The following JADE3 variants were observed in gnomAD, a reference collection of about 807,000 sequenced individuals.
JADE3 encodes the protein jade family PHD finger 3.
JADE3 carries 2 observed loss-of-function variants against 50.1 expected under a neutral mutation model. The observed-to-expected ratio is 0.04, with a 90% CI of 0.02 to 0.13. JADE3 has a LOEUF of 0.13. Ranked by LOEUF, JADE3 falls within the 10% of genes least tolerant of loss-of-function variation. The pLI is 1.00. For missense variants in JADE3, 475 were observed against 634.4 expected, an observed-to-expected ratio of 0.75 and a Z score of 2.70; for synonymous variants, 218 against 232.9, an observed-to-expected ratio of 0.94 and a Z score of 0.58.
chrX:46,958,708 T>C (rs961693462), intron 1 of JADE3, among the ~76,000 whole-genome samples: 2 of 112,524 alleles, frequency 1.8e-5, no homozygotes, highest in African/African-American at 6.5e-5. Context: ...CAGCCAATGC[T>C]TTATTAATGT....
chrX:46,960,929 G>A (rs141147115), intron 1 of JADE3, among the ~76,000 whole-genome samples: 4 of 110,945 alleles, frequency 3.6e-5, no homozygotes, highest in Admixed American at 9.6e-5. Context: ...CCCTAAACTC[G>A]CACTCTCCAC....
intron 7 of JADE3, among the ~76,000 whole-genome samples, chrX:47,035,810 T>G (rs2035099943): frequency 9.0e-6 from 1 of 111,497 alleles, no homozygotes; most frequent in Admixed American, 9.5e-5. Context: ...CTTGACCCCT[T>G]ATTTTCACAT....
At chrX:47,041,498 C>T (rs2146984438) in intron 8 of JADE3, among the ~76,000 whole-genome samples, 1 of 109,786 alleles carries the variant, frequency 9.1e-6, no homozygotes, top group East Asian at 2.9e-4. Context: ...TCAAATGATC[C>T]TCCCGAGTAG....
intron 1 of JADE3, among the ~76,000 whole-genome samples, chrX:46,922,654 GTTTTT>G (rs374263509): frequency 9.8e-6 from 1 of 101,881 alleles, no homozygotes; most frequent in African/African-American, 3.6e-5. Flanking sequence ...TTTTCTTACT[GTTTTT>G]TTTTTAATTT....
At chrX:46,957,255 A>AGATG (rs1556346650) in intron 1 of JADE3, among the ~76,000 whole-genome samples, 20 of 111,657 alleles carry the variant, frequency 1.8e-4, no homozygotes, top group Non-Finnish European at 2.5e-4. Context: ...ATAGATAGAT[A>AGATG]GATATAAACG....
chrX:46,952,098 C>A (rs971107672), intron 1 of JADE3, among the ~76,000 whole-genome samples: 11 of 111,945 alleles, frequency 9.8e-5, no homozygotes, highest in Admixed American at 5.7e-4. Context: ...CTTTAAAGTC[C>A]TTGTTAGATA....
chrX:46,973,910 A>G (rs915978190), intron 1 of JADE3, among the ~76,000 whole-genome samples: 4 of 105,159 alleles, frequency 3.8e-5, no homozygotes, highest in East Asian at 3.1e-4. Context: ...ACAAAACCCC[A>G]TCTCTACTAA....
intron 8 of JADE3, among the ~76,000 whole-genome samples, chrX:47,045,243 A>G (rs1929346414): frequency 8.9e-6 from 1 of 112,017 alleles, no homozygotes; most frequent in South Asian, 3.7e-4. Flanking sequence ...AATATATTCC[A>G]TGCAAATGGA....
At chrX:47,045,482 T>C (rs1166781911) in intron 8 of JADE3, among the ~76,000 whole-genome samples, 2 of 112,567 alleles carry the variant, frequency 1.8e-5, no homozygotes, top group African/African-American at 6.4e-5. Flanking sequence ...GCTTTCAGCA[T>C]TGGACAAATC....
chrX:46,998,030 G>A, intron 3 of JADE3, 90 bp from the exon 4 acceptor site: 17 of 721,271 alleles, frequency 2.4e-5, no homozygotes, highest in Non-Finnish European at 2.9e-5. Context: ...GAAGCAGAGT[G>A]GATGGGGATG....
intron 1 of JADE3, among the ~76,000 whole-genome samples, chrX:46,935,826 C>CTTT (rs142025908): frequency 0.014 from 908 of 62,627 alleles, 51 homozygotes; most frequent in African/African-American, 0.046. Flanking sequence ...AAGTCTTTCA[C>CTTT]TTTTTTTTTT....
intron 7 of JADE3, among the ~76,000 whole-genome samples, chrX:47,037,383 G>A (rs781962344): frequency 9.8e-5 from 11 of 111,952 alleles, no homozygotes; most frequent in Non-Finnish European, 1.9e-4. Context: ...TTTATCCTTA[G>A]TTGATTAAAT....
intron 4 of JADE3, among the ~76,000 whole-genome samples, chrX:47,003,045 C>T (rs782699740): frequency 1.1e-4 from 12 of 111,587 alleles, no homozygotes; most frequent in African/African-American, 2.9e-4. Context: ...TGATCCCTAT[C>T]AAATGATATG....
At chrX:46,998,452 T>C (rs926998852) in intron 4 of JADE3, among the ~76,000 whole-genome samples, 175 bp downstream of exon 4, 2 of 109,873 alleles carry the variant, frequency 1.8e-5, no homozygotes, top group Admixed American at 9.8e-5. Flanking sequence ...AGCAATAAAG[T>C]CAGGCTCATG....
At chrX:46,956,961 A>G (rs1263659732) in intron 1 of JADE3, among the ~76,000 whole-genome samples, 1 of 108,869 alleles carries the variant, frequency 9.2e-6, no homozygotes, top group Non-Finnish European at 1.9e-5. Flanking sequence ...AGCTGGGACC[A>G]CAGATGTGCA....
At chrX:46,963,864 C>A (rs1189589491) in intron 1 of JADE3, among the ~76,000 whole-genome samples, 6 of 111,799 alleles carry the variant, frequency 5.4e-5, no homozygotes, top group African/African-American at 2.0e-4. Context: ...CTAAGCAAGC[C>A]ACAAAGCCAG....
At chrX:46,957,308 T>C (rs781856980) in intron 1 of JADE3, among the ~76,000 whole-genome samples, 1 of 112,057 alleles carries the variant, frequency 8.9e-6, no homozygotes, top group Non-Finnish European at 1.9e-5. Context: ...TTTACATAAA[T>C]GGTGGTATTA....
chrX:46,994,658 G>A (rs1321529040), intron 3 of JADE3, among the ~76,000 whole-genome samples: 2 of 111,853 alleles, frequency 1.8e-5, no homozygotes, highest in East Asian at 2.8e-4. Flanking sequence ...GTCTTTGGGA[G>A]CCAAACCATG....
chrX:46,966,504 A>AT (rs1927371818), intron 1 of JADE3, among the ~76,000 whole-genome samples: 1 of 111,258 alleles, frequency 9.0e-6, no homozygotes, highest in South Asian at 3.8e-4. Context: ...GAAGAAAAAA[A>AT]GTGTTAGCAA....
Sources: allele counts gnomAD v4.1 joint callset (sites outside exome capture counted in the v4.1 genomes callset), GRCh38; gene constraint gnomAD v4.1.1; transcripts MANE v1.5; gene names NCBI Gene and HGNC (gene_info 2026-07-23, HGNC 2026-07-21).